Variants in DPT observed in about 807,000 individuals in gnomAD.
The protein encoded by DPT is tyrosine-rich acidic matrix protein.
DPT carries 21 observed loss-of-function variants against 31.2 expected under a neutral mutation model. The ratio of observed to expected loss-of-function variants is 0.67; its 90% CI spans 0.48 to 0.97. The LOEUF (loss-of-function observed/expected upper bound fraction) is 0.97. DPT is among the 50% of genes least tolerant of loss of function. DPT has a pLI of 0.00. For missense variants in DPT, 262 were observed against 258.8 expected (o/e 1.01, Z -0.08); for synonymous variants, 91 against 86.9 (o/e 1.05, Z -0.26).
At chr1:168,711,978 C>T (rs956865348) in intron 2 of DPT, among the ~76,000 whole-genome samples, 1 of 151,962 alleles carries the variant, frequency 6.6e-6, no homozygotes, top group African/African-American at 2.4e-5. Context: ...GGGGAGAGAA[C>T]AAAAAATTTT....
chr1:168,717,860 A>C (rs1211690516), intron 1 of DPT, among the ~76,000 whole-genome samples: 2 of 152,220 alleles, frequency 1.3e-5, no homozygotes, highest in Non-Finnish European at 2.9e-5. Flanking sequence ...GGCATACTTC[A>C]GCAAGCTATA....
At chr1:168,722,006 G>A (rs967941742) in intron 1 of DPT, among the ~76,000 whole-genome samples, 3 of 152,180 alleles carry the variant, frequency 2.0e-5, no homozygotes, top group African/African-American at 4.8e-5. Context: ...AGGACAGAGC[G>A]AGAATGCCTC....
chr1:168,714,144 T>C (rs1261351602), intron 2 of DPT, 77 bp downstream of exon 2: 18 of 1,597,952 alleles, frequency 1.1e-5, no homozygotes, highest in Non-Finnish European at 1.5e-5. Context: ...CCCTCAAGCT[T>C]ACCTGAAGCT....
At chr1:168,702,110 C>T (rs1233744781) in intron 2 of DPT, among the ~76,000 whole-genome samples, 1 of 152,152 alleles carries the variant, frequency 6.6e-6, no homozygotes, top group African/African-American at 2.4e-5. Context: ...CAAAACAGTC[C>T]TTTTACCATG....
chr1:168,723,616 T>C (rs1486630420), intron 1 of DPT, among the ~76,000 whole-genome samples: 1 of 152,222 alleles, frequency 6.6e-6, no homozygotes, highest in Non-Finnish European at 1.5e-5. Flanking sequence ...TCTCCCCTTC[T>C]ACTGATATTT....
chr1:168,728,269 G>A (rs1314643090), intron 1 of DPT, among the ~76,000 whole-genome samples: 1 of 152,194 alleles, frequency 6.6e-6, no homozygotes, highest in Non-Finnish European at 1.5e-5. Context: ...ATAATTGAGA[G>A]AGCACATTTA....
intron 1 of DPT, among the ~76,000 whole-genome samples, chr1:168,727,495 G>T (rs76129265): frequency 0.033 from 5,067 of 151,644 alleles, 133 homozygotes; most frequent in Non-Finnish European, 0.054. Flanking sequence ...CCTCTCTACT[G>T]GTTGTGTCCC....
At chr1:168,715,111 T>C (rs1258488817) in intron 1 of DPT, among the ~76,000 whole-genome samples, 1 of 152,240 alleles carries the variant, frequency 6.6e-6, no homozygotes, top group Non-Finnish European at 1.5e-5. Flanking sequence ...ATCCCTTTCC[T>C]GTCCTAGCTG....
intron 2 of DPT, among the ~76,000 whole-genome samples, chr1:168,713,428 G>T (rs1476351581): frequency 6.6e-6 from 1 of 152,222 alleles, no homozygotes; most frequent in Admixed American, 6.5e-5. Flanking sequence ...GTCCTTGCAA[G>T]CATCAAACTG....
chr1:168,722,519 T>C (rs1035119161), intron 1 of DPT, among the ~76,000 whole-genome samples: 13 of 152,318 alleles, frequency 8.5e-5, no homozygotes, highest in African/African-American at 3.1e-4. Flanking sequence ...GCACTATGCG[T>C]GCATTAATTA....
intron 2 of DPT, among the ~76,000 whole-genome samples, chr1:168,709,383 T>C (rs1020516091): frequency 6.6e-5 from 10 of 152,210 alleles, no homozygotes; most frequent in Admixed American, 2.0e-4. Context: ...TCTAAATAAA[T>C]ATCTATAAAA....
rs1557844481 is a variant in DPT at position 168,696,188 on chromosome 1, A to G, written c.*361T>C. ...TCCAGTTCTGCCTCTCCCCTCCACT[A>G]TGCTGAACTTGCAGTTCATTCTGCA... On this transcript the variant is annotated 3_prime_UTR_variant, in exon 4 of 4. Coordinates refer to ENST00000367817, the MANE Select transcript of DPT (RefSeq NM_001937.5). 1 of 430,042 alleles carries G rather than the reference A, an allele frequency of 2.3e-6. No homozygotes were observed. The highest frequency in any genetic ancestry group is 3.4e-5 in the East Asian group (1 of 29,366). 26.6% of individuals were successfully genotyped at this position (430,042 alleles called of 1,614,324 possible). A position where few individuals can be genotyped will look rare whatever the true frequency, so the allele number is the denominator to read the frequency against.
intron 1 of DPT, among the ~76,000 whole-genome samples, chr1:168,726,736 A>T (rs1284833636): frequency 1.3e-5 from 2 of 152,268 alleles, no homozygotes; most frequent in African/African-American, 4.8e-5. Context: ...CTGGAGGGAC[A>T]GTTGTAATTA....
In DPT at chr1:168,695,755, G is replaced by A. The variant is rs1384349569; in HGVS notation, c.*794C>T. ...CTCAAACTCCTTTTTCCACTTCCCA[G>A]TTCAACCTGGTCACTCTCATCCCCA... On this transcript the variant is annotated 3_prime_UTR_variant, in exon 4 of 4. Coordinates refer to ENST00000367817, the MANE Select transcript of DPT (RefSeq NM_001937.5). The A allele has an allele frequency of 1.3e-5, 2 of 154,766 alleles. No individual in the cohort carries two copies. Among genetic ancestry groups the A allele is most frequent in the Non-Finnish European group, 1.4e-5 (1 of 69,760 alleles). The allele number at this position is 154,766 out of a possible 1,614,324, so 9.6% of individuals were successfully genotyped here. A position where few individuals can be genotyped will look rare whatever the true frequency, so the allele number is the denominator to read the frequency against.
intron 1 of DPT, 22 bp from the exon 2 acceptor site, chr1:168,714,368 G>A: frequency 6.2e-7 from 1 of 1,613,898 alleles, no homozygotes; most frequent in Non-Finnish European, 8.5e-7. Flanking sequence ...ACAACCCCAG[G>A]AACCTAAGAA....
chr1:168,700,905 GT>G, intron 3 of DPT, 111 bp downstream of exon 3: 12 of 142,488 alleles, frequency 8.4e-5, no homozygotes, highest in South Asian at 2.1e-4. Flanking sequence ...GTGTGTGTGT[GT>G]GGGTGTGTGT....
intron 2 of DPT, among the ~76,000 whole-genome samples, chr1:168,706,475 A>T (rs1649718791): frequency 6.6e-6 from 1 of 152,162 alleles, no homozygotes; most frequent in Non-Finnish European, 1.5e-5. Flanking sequence ...TTTTGTAAAG[A>T]CAGAAAAAAT....
intron 3 of DPT, among the ~76,000 whole-genome samples, chr1:168,698,322 T>G (rs1649510110): frequency 6.6e-6 from 1 of 152,226 alleles, no homozygotes; most frequent in African/African-American, 2.4e-5. Flanking sequence ...GGTGATATTT[T>G]GATTCCTGCA....
intron 1 of DPT, among the ~76,000 whole-genome samples, chr1:168,722,808 AAACTTCATT>A (rs1220430027): frequency 6.6e-6 from 1 of 151,804 alleles, no homozygotes; most frequent in African/African-American, 2.4e-5. Context: ...TTCTGACTCT[AAACTTCATT>A]AACTTTTCAA....
Sources: allele counts gnomAD v4.1 joint callset (sites outside exome capture counted in the v4.1 genomes callset), GRCh38; gene constraint gnomAD v4.1.1; transcripts MANE v1.5; gene names NCBI Gene and HGNC (gene_info 2026-07-23, HGNC 2026-07-21).